Variants in ZC3H12B observed in about 807,000 individuals in gnomAD.
ZC3H12B encodes the protein zinc finger CCCH-type containing 12B.
ZC3H12B carries 7 observed loss-of-function variants against 43.9 expected under a neutral mutation model. The observed-to-expected ratio is 0.16, with a 90% CI of 0.09 to 0.30. The LOEUF is 0.30. ZC3H12B is among the 10% of genes least tolerant of loss of function. ZC3H12B has a pLI of 1.00. For missense variants in ZC3H12B, 475 were observed against 670.2 expected (o/e 0.71, Z 3.22); for synonymous variants, 222 against 241.7 (o/e 0.92, Z 0.76).
At chrX:65,218,882 A>G in the ZC3H12B span, among the ~76,000 whole-genome samples, 3 of 112,181 alleles carry the variant, frequency 2.7e-5, no homozygotes, top group African/African-American at 9.7e-5. Flanking sequence ...CAGTGCACTT[A>G]ACAAAAAATG....
chrX:65,217,173 T>C, the ZC3H12B span, among the ~76,000 whole-genome samples: 2 of 112,253 alleles, frequency 1.8e-5, no homozygotes, highest in African/African-American at 3.2e-5. Flanking sequence ...GAATTCTTTA[T>C]CATTTCCAAA....
At chrX:65,302,630 A>G in the ZC3H12B span, among the ~76,000 whole-genome samples, 1 of 112,165 alleles carries the variant, frequency 8.9e-6, no homozygotes, top group Non-Finnish European at 1.9e-5. Context: ...AAATCCCAGG[A>G]AGTTGTTTTA....
chrX:65,469,316 C>T, intron 3 of ZC3H12B: 1 of 328,514 alleles, frequency 3.0e-6, no homozygotes, highest in East Asian at 5.7e-5. Flanking sequence ...AGAACGAGGT[C>T]TTCATTGATG....
At chrX:65,153,454 A>G in the ZC3H12B span, among the ~76,000 whole-genome samples, 2 of 112,675 alleles carry the variant, frequency 1.8e-5, no homozygotes, top group African/African-American at 6.5e-5. Context: ...GAAGACATTT[A>G]TGCAGCCAAA....
At chrX:65,390,598 G>T (rs2066600666) in intron 2 of ZC3H12B, among the ~76,000 whole-genome samples, 1 of 111,244 alleles carries the variant, frequency 9.0e-6, no homozygotes, top group Admixed American at 9.6e-5. Context: ...TAGAGAATAA[G>T]AAAGAGATAC....
At chrX:65,138,434 AC>A in the ZC3H12B span, among the ~76,000 whole-genome samples, 1 of 111,986 alleles carries the variant, frequency 8.9e-6, no homozygotes, top group Non-Finnish European at 1.9e-5. Flanking sequence ...AAGGCTGAAT[AC>A]AATTTTATTG....
At chrX:65,488,870 G>T in exon 1 of ZC3H12B, 3 of 1,209,597 alleles carry the variant, frequency 2.5e-6, no homozygotes, top group Non-Finnish European at 3.4e-6. Flanking sequence ...AGAAGCAGCA[G>T]CCTAAGCAGG....
intron 1 of ZC3H12B, among the ~76,000 whole-genome samples, chrX:65,494,188 CTTTATAT>C (rs952959508): frequency 8.2e-5 from 9 of 110,213 alleles, no homozygotes; most frequent in Non-Finnish European, 1.7e-4. Context: ...AGTTTTTTTT[CTTTATAT>C]TTTATGTATT....
At chrX:65,450,364 T>C (rs1413294603) in intron 3 of ZC3H12B, among the ~76,000 whole-genome samples, 1 of 81,801 alleles carries the variant, frequency 1.2e-5, no homozygotes, top group African/African-American at 4.7e-5. Context: ...TATATGTGTG[T>C]ATATACATAT....
chrX:65,411,540 A>G (rs2066903078), intron 3 of ZC3H12B, among the ~76,000 whole-genome samples: 1 of 110,452 alleles, frequency 9.1e-6, no homozygotes, highest in Non-Finnish European at 1.9e-5. Flanking sequence ...AGACTGACCA[A>G]CATGGTGAAA....
chrX:65,139,325 A>G, the ZC3H12B span, among the ~76,000 whole-genome samples: 1 of 112,282 alleles, frequency 8.9e-6, no homozygotes, highest in African/African-American at 3.2e-5. Flanking sequence ...AATTTTGCCC[A>G]CACCATTTAT....
At chrX:65,239,772 G>A in the ZC3H12B span, among the ~76,000 whole-genome samples, 9 of 112,272 alleles carry the variant, frequency 8.0e-5, no homozygotes, top group African/African-American at 2.9e-4. Flanking sequence ...TTGCCTGGTA[G>A]TGACAAGTTT....
intron 3 of ZC3H12B, among the ~76,000 whole-genome samples, chrX:65,442,920 C>A (rs1447244489): frequency 1.8e-5 from 2 of 111,091 alleles, no homozygotes; most frequent in East Asian, 5.6e-4. Flanking sequence ...AGAGCCATCG[C>A]TCGAGGCGCT....
the ZC3H12B span, among the ~76,000 whole-genome samples, chrX:65,214,666 G>A: frequency 9.0e-6 from 1 of 111,020 alleles, no homozygotes; most frequent in South Asian, 3.8e-4. Context: ...CATCCATAAA[G>A]TTTGGAATAA....
chrX:65,139,767 A>G, the ZC3H12B span, among the ~76,000 whole-genome samples: 6 of 111,520 alleles, frequency 5.4e-5, no homozygotes, highest in South Asian at 3.7e-4. Context: ...TTTGTTATCA[A>G]TGTTTTATAG....
At chrX:65,099,207 C>T in the ZC3H12B span, among the ~76,000 whole-genome samples, 3 of 111,888 alleles carry the variant, frequency 2.7e-5, no homozygotes, top group African/African-American at 9.7e-5. Context: ...AGGCAGCAAC[C>T]TCAGTCAGGG....
chrX:65,249,713 G>A, the ZC3H12B span, among the ~76,000 whole-genome samples: 6 of 107,753 alleles, frequency 5.6e-5, no homozygotes, highest in Non-Finnish European at 1.2e-4. Flanking sequence ...ATTTCTTTGT[G>A]TTGTCTATGA....
the ZC3H12B span, among the ~76,000 whole-genome samples, chrX:65,146,419 C>G: frequency 8.9e-6 from 1 of 112,023 alleles, no homozygotes; most frequent in African/African-American, 3.2e-5. Context: ...TGATGCCTCC[C>G]TGATTCACTT....
chrX:65,273,367 C>A, the ZC3H12B span, among the ~76,000 whole-genome samples: 1 of 109,561 alleles, frequency 9.1e-6, no homozygotes, highest in African/African-American at 3.3e-5. Flanking sequence ...GAAGAAATGC[C>A]AGTGTAGTAG....
Sources: gnomAD v4.1 joint callset for allele counts (sites outside exome capture counted in the v4.1 genomes callset) on GRCh38, gnomAD v4.1.1 for gene constraint, MANE v1.5 for transcripts, NCBI Gene and HGNC (gene_info 2026-07-23, HGNC 2026-07-21) for gene names.